Variants in STPG2 observed in about 807,000 individuals in gnomAD.
The protein encoded by STPG2 is sperm tail PG-rich repeat containing 2.
In STPG2, 56 loss-of-function variants were observed where a neutral mutation model predicts 54.2. That is an observed-to-expected ratio of 1.03 (90% CI 0.83 to 1.29). The LOEUF (loss-of-function observed/expected upper bound fraction) is 1.29. STPG2 is among the 50% of genes most tolerant of loss of function. The pLI is 0.00. For synonymous variants in STPG2, 200 were observed against 181.8 expected (o/e 1.10, Z -0.81); for missense variants, 596 against 544.9 (o/e 1.09, Z -0.93).
At chr4:97,745,861 T>C (rs1036837364) in intron 9 of STPG2, among the ~76,000 whole-genome samples, 2 of 151,248 alleles carry the variant, frequency 1.3e-5, no homozygotes, top group African/African-American at 2.4e-5. Flanking sequence ...AGTTCTCAAA[T>C]GTCATTGCAT....
chr4:97,726,710 T>C (rs1237093189), intron 9 of STPG2, among the ~76,000 whole-genome samples: 1 of 151,892 alleles, frequency 6.6e-6, no homozygotes, highest in East Asian at 1.9e-4. Context: ...TTTCTGGGAC[T>C]TTGAATTAAT....
At chr4:97,601,187 T>G (rs1489103694) in intron 10 of STPG2, among the ~76,000 whole-genome samples, 1 of 152,032 alleles carries the variant, frequency 6.6e-6, no homozygotes, top group Non-Finnish European at 1.5e-5. Flanking sequence ...TGCTTTTCCA[T>G]TAAGTGTACC....
chr4:97,759,394 C>T (rs904128216), intron 9 of STPG2, among the ~76,000 whole-genome samples: 1 of 151,962 alleles, frequency 6.6e-6, no homozygotes, highest in African/African-American at 2.4e-5. Flanking sequence ...GTATAAGGTA[C>T]TTTGAGAGAA....
intron 10 of STPG2, among the ~76,000 whole-genome samples, chr4:97,665,150 G>A (rs1434945116): frequency 6.6e-6 from 1 of 152,160 alleles, no homozygotes; most frequent in African/African-American, 2.4e-5. Context: ...GAAGCTTCTA[G>A]GTCTGGGCTC....
chr4:97,820,963 C>G (rs998071348), intron 9 of STPG2, among the ~76,000 whole-genome samples: 1 of 152,062 alleles, frequency 6.6e-6, no homozygotes. Flanking sequence ...CCTCTGCCCC[C>G]CAAATCTCAT....
In STPG2 at chr4:97,454,519, C is replaced by CAAA. The variant is rs10564687; in HGVS notation, c.462+258177_462+258179dup. Among the ~76,000 whole-genome samples, 6 of 43,694 alleles carry CAAA rather than the reference C, an allele frequency of 1.4e-4. 1 individual carries two copies. The highest frequency in any genetic ancestry group is 2.2e-4 in the Non-Finnish European group (3 of 13,696). 28.7% of individuals were successfully genotyped at this position (43,694 alleles called of 152,430 possible). A position where few individuals can be genotyped will look rare whatever the true frequency, so the allele number is the denominator to read the frequency against. The stretch of plus-strand genomic sequence containing the variant: ...TGGGCGACAGAGCGAGACTCCGTCT[C>CAAA]AAAAAAAAAAAAAAAAAAAAAAAAA... On this transcript the variant is annotated intron_variant, in intron 4 of 4. Coordinates refer to the STPG2 transcript ENST00000522676.
chr4:97,699,552 T>C (rs953537493), intron 10 of STPG2, among the ~76,000 whole-genome samples: 3 of 152,196 alleles, frequency 2.0e-5, no homozygotes, highest in African/African-American at 4.8e-5. Flanking sequence ...TGAATGAGTA[T>C]ATAATCGTAC....
intron 9 of STPG2, among the ~76,000 whole-genome samples, chr4:97,770,267 G>A (rs1726178684): frequency 6.6e-6 from 1 of 152,002 alleles, no homozygotes; most frequent in Non-Finnish European, 1.5e-5. Flanking sequence ...AATAAAGTAG[G>A]GTAAAGGGGA....
Position 97,656,088 on chromosome 4 carries a change from C to G in STPG2, c.1320+56611G>C, listed in dbSNP as rs151108926. Among the ~76,000 whole-genome samples the G allele has an allele frequency of 1.1e-4, 17 of 152,196 alleles. 2 individuals are homozygous for G. The East Asian group carries it at 3.3e-3, about 29-fold the overall frequency. ...AAATCTTTAGGACTACCCGTAGAAA[C>G]ACAAACAAGAAGGGTCTCTGCCTGA... On this transcript the variant is annotated intron_variant, in intron 10 of 10. Transcript: ENST00000295268.
chr4:97,691,544 GC>G (rs1282185252), intron 10 of STPG2, among the ~76,000 whole-genome samples: 2 of 152,020 alleles, frequency 1.3e-5, no homozygotes, highest in Non-Finnish European at 2.9e-5. Context: ...GAGAGTCTAA[GC>G]TCAGACACAC....
intron 4 of STPG2, among the ~76,000 whole-genome samples, chr4:97,448,201 T>C (rs921921101): frequency 2.0e-5 from 3 of 152,212 alleles, no homozygotes; most frequent in Non-Finnish European, 2.9e-5. Context: ...AACTTGCTTT[T>C]GATTTCACAA....
At chr4:97,778,307 G>T (rs957003948) in intron 9 of STPG2, among the ~76,000 whole-genome samples, 2 of 152,106 alleles carry the variant, frequency 1.3e-5, no homozygotes, top group Non-Finnish European at 2.9e-5. Flanking sequence ...TGGCTCGGAG[G>T]GTCCCATGCC....
In STPG2 at chr4:97,526,749, C is replaced by A. The variant is rs190239123; in HGVS notation, c.462+185950G>T. Among the ~76,000 whole-genome samples, 633 of 152,102 alleles carry A rather than the reference C, an allele frequency of 4.2e-3. 3 individuals are homozygous for A. Among genetic ancestry groups the A allele is most frequent in the South Asian group, 0.02 (98 of 4,814 alleles). The stretch of plus-strand genomic sequence containing the variant: ...GGTGTTTTAGTCATGAAGTCTTTGC[C>A]CATGCCTATGTCCTGAATGGTATTG... On this transcript the variant is annotated intron_variant, in intron 4 of 4. Coordinates refer to the STPG2 transcript ENST00000522676.
chr4:97,928,641 T>G lies in STPG2; in HGVS notation c.1044+15256A>C, dbSNP rs1314303433. On this transcript the variant is annotated intron_variant, in intron 8 of 10. Coordinates refer to ENST00000295268, the MANE Select transcript of STPG2 (RefSeq NM_174952.3). ...GATTTTTGTTGTGGGGTTGTTTTTGTTTTTATTTTGTTTGGGTTAGTTTTG... is the reference window on the plus strand; with the variant it reads ...GATTTTTGTTGTGGGGTTGTTTTTGGTTTTATTTTGTTTGGGTTAGTTTTG... Among the ~76,000 whole-genome samples the G allele has an allele frequency of 2.0e-5, 3 of 152,094 alleles. No individual in the cohort carries two copies. In the East Asian group the frequency reaches 5.8e-4, roughly 29 times the overall value.
At position 97,669,056 on chromosome 4, in the gene STPG2, A is replaced by T. The variant is rs139877386; in HGVS notation, c.1320+43643T>A. On this transcript the variant is annotated intron_variant, in intron 10 of 10. Coordinates refer to ENST00000295268, the MANE Select transcript of STPG2 (RefSeq NM_174952.3). The stretch of plus-strand genomic sequence containing the variant: ...TCCAGAGAGGTTAAAAAAAAAAATC[A>T]GGAAGAAGTCGTGTTTCAGAAACAA... 4.2e-4 allele frequency among the ~76,000 whole-genome samples: 64 copies of T among 152,222 alleles called. 1 individual carries two copies. The highest frequency in any genetic ancestry group is 7.2e-4 in the Non-Finnish European group (49 of 67,994).
chr4:97,584,532 C>G (rs915700717), intron 10 of STPG2, among the ~76,000 whole-genome samples: 2 of 151,914 alleles, frequency 1.3e-5, no homozygotes, highest in Non-Finnish European at 2.9e-5. Context: ...TAACAAAGAT[C>G]AGAGCAGAAC....
At chr4:98,060,090 G>C (rs1352238213) in intron 5 of STPG2, among the ~76,000 whole-genome samples, 1 of 152,070 alleles carries the variant, frequency 6.6e-6, no homozygotes, top group Non-Finnish European at 1.5e-5. Flanking sequence ...AAGAAATAGA[G>C]GGCATCCTCT....
chr4:97,474,385 T>TG (rs1176267429), intron 4 of STPG2, among the ~76,000 whole-genome samples: 2 of 152,106 alleles, frequency 1.3e-5, no homozygotes, highest in African/African-American at 4.8e-5. Flanking sequence ...TGATGGAGGT[T>TG]GGGGGGTGGA....
chr4:97,822,126 T>A (rs1006486677), intron 9 of STPG2, among the ~76,000 whole-genome samples: 22 of 152,224 alleles, frequency 1.4e-4, no homozygotes, highest in African/African-American at 5.1e-4. Flanking sequence ...TTTTAGTTAC[T>A]TTTTTGCTCC....
Sources: allele counts gnomAD v4.1 joint callset (sites outside exome capture counted in the v4.1 genomes callset), GRCh38; gene constraint gnomAD v4.1.1; transcripts MANE v1.5; gene names NCBI Gene and HGNC (gene_info 2026-07-23, HGNC 2026-07-21).